The following KCTD16 variants were observed in gnomAD, a reference collection of about 807,000 sequenced individuals.
The protein encoded by KCTD16 is potassium channel tetramerization domain containing 16.
A neutral mutation model predicts 33.2 loss-of-function variants in KCTD16; 13 were observed. The ratio of observed to expected loss-of-function variants is 0.39; its 90% CI spans 0.25 to 0.62. The LOEUF (loss-of-function observed/expected upper bound fraction) is 0.62. Among genes scored for constraint, KCTD16 ranks in the 20% least tolerant of loss-of-function variants. The pLI is 0.50. For missense variants in KCTD16, 441 were observed against 525.1 expected (o/e 0.84, Z 1.57); for synonymous variants, 197 against 195.3 (o/e 1.01, Z -0.07).
At chr5:144,280,558 T>C (rs1209524258) in intron 3 of KCTD16, among the ~76,000 whole-genome samples, 3 of 152,236 alleles carry the variant, frequency 2.0e-5, no homozygotes, top group Admixed American at 2.0e-4. Context: ...CTCTTTCTTT[T>C]TCAGTCTGGC....
intron 3 of KCTD16, among the ~76,000 whole-genome samples, chr5:144,463,170 A>G (rs1010107616): frequency 1.3e-5 from 2 of 152,176 alleles, no homozygotes; most frequent in Admixed American, 6.5e-5. Context: ...TTATCAATCT[A>G]TGCAAATGAG....
intron 3 of KCTD16, among the ~76,000 whole-genome samples, chr5:144,384,476 C>G (rs1752281640): frequency 6.6e-6 from 1 of 152,114 alleles, no homozygotes; most frequent in Admixed American, 6.6e-5. Flanking sequence ...AAAATAAATA[C>G]ATTTTTTCTA....
chr5:144,441,822 C>T (rs1580968091), intron 3 of KCTD16, among the ~76,000 whole-genome samples: 5 of 130,396 alleles, frequency 3.8e-5, no homozygotes, highest in South Asian at 2.4e-4. Flanking sequence ...CCTTCCATTT[C>T]TATATAAATG....
In KCTD16 at chr5:144,478,556, C is replaced by T. The variant is rs1754641512; in HGVS notation, c.*4442C>T. 6.6e-6 allele frequency: 1 copy of T among 151,948 alleles called. No individual in the cohort carries two copies. The highest frequency in any genetic ancestry group is 2.4e-5 in the African/African-American group (1 of 41,392). The allele number at this position is 151,948 out of a possible 1,614,324, so 9.4% of individuals were successfully genotyped here. On this transcript the variant is annotated 3_prime_UTR_variant, in exon 4 of 4. Transcript: ENST00000512467. ...GTAGCACTTGTAAAAATGCAGATTC[C>T]TTCAACCTAACTTCAAAGAGTCTGA...
intron 3 of KCTD16, among the ~76,000 whole-genome samples, chr5:144,456,100 G>A (rs1754054947): frequency 6.6e-6 from 1 of 152,004 alleles, no homozygotes; most frequent in East Asian, 1.9e-4. Context: ...GATAGGAATG[G>A]GGTATGATTT....
intron 3 of KCTD16, among the ~76,000 whole-genome samples, chr5:144,467,912 A>G (rs2126998404): frequency 1.3e-5 from 2 of 152,156 alleles, no homozygotes; most frequent in South Asian, 4.1e-4. Context: ...GGCTAACTAC[A>G]CTTTTCCTTT....
At chr5:144,316,842 T>C (rs1751930569) in intron 3 of KCTD16, among the ~76,000 whole-genome samples, 1 of 147,628 alleles carries the variant, frequency 6.8e-6, no homozygotes, top group African/African-American at 2.5e-5. Flanking sequence ...TTTTTTTTTT[T>C]TTTTGATACG....
chr5:144,300,671 A>G (rs545505285), intron 3 of KCTD16, among the ~76,000 whole-genome samples: 1 of 152,370 alleles, frequency 6.6e-6, no homozygotes, highest in Admixed American at 6.5e-5. Flanking sequence ...GTGAAGACAT[A>G]ACACTCTATT....
intron 3 of KCTD16, among the ~76,000 whole-genome samples, chr5:144,254,936 T>A (rs558684860): frequency 1.5e-4 from 23 of 152,190 alleles, no homozygotes; most frequent in East Asian, 1.4e-3. Flanking sequence ...GCTATTTTTT[T>A]AAATTTTTGT....
intron 3 of KCTD16, among the ~76,000 whole-genome samples, chr5:144,298,715 C>T (rs1487271448): frequency 6.6e-6 from 1 of 152,020 alleles, no homozygotes; most frequent in African/African-American, 2.4e-5. Flanking sequence ...TCAAAAGTGA[C>T]ACAAGGTAAT....
chr5:144,243,842 C>T (rs1365211352), intron 3 of KCTD16, among the ~76,000 whole-genome samples: 3 of 152,102 alleles, frequency 2.0e-5, no homozygotes, highest in Admixed American at 6.6e-5. Flanking sequence ...CTCCTGGGTT[C>T]AAGTGATTCT....
chr5:144,229,052 G>A (rs1225629290), intron 3 of KCTD16, among the ~76,000 whole-genome samples: 1 of 152,126 alleles, frequency 6.6e-6, no homozygotes, highest in Non-Finnish European at 1.5e-5. Context: ...TGAAACAAAT[G>A]GCCATGAATG....
At position 144,446,336 on chromosome 5, in the gene KCTD16, G is replaced by A. The variant is rs575250651; in HGVS notation, c.833-27324G>A. On this transcript the variant is annotated intron_variant, in intron 3 of 3. Transcript: ENST00000512467. Reference sequence around the variant, plus strand: ...TTCCCTATTCAATAAATGGTGTTGGGAAAACTGGCTAGCTGTATGCAGAAA... The same window carrying A: ...TTCCCTATTCAATAAATGGTGTTGGAAAAACTGGCTAGCTGTATGCAGAAA... 3.2e-4 allele frequency among the ~76,000 whole-genome samples: 48 copies of A among 152,088 alleles called. 1 individual carries two copies. The highest frequency in any genetic ancestry group is 2.8e-3 in the Admixed American group (43 of 15,252).
chr5:144,343,452 A>G (rs1245991676), intron 3 of KCTD16, among the ~76,000 whole-genome samples: 1 of 151,960 alleles, frequency 6.6e-6, no homozygotes, highest in Non-Finnish European at 1.5e-5. Flanking sequence ...TCTTATGTCT[A>G]TTTGATTCTT....
At chr5:144,451,271 G>A (rs1483740806) in intron 3 of KCTD16, among the ~76,000 whole-genome samples, 2 of 152,160 alleles carry the variant, frequency 1.3e-5, no homozygotes, top group African/African-American at 4.8e-5. Context: ...TTTAAAAAGT[G>A]GAGTAGTCAA....
intron 3 of KCTD16, among the ~76,000 whole-genome samples, chr5:144,243,655 C>T (rs1010751476): frequency 3.9e-5 from 6 of 152,296 alleles, no homozygotes; most frequent in African/African-American, 9.6e-5. Context: ...CAGAAGACTA[C>T]GGTACTAGCT....
At chr5:144,395,931 T>C (rs4345344) in intron 3 of KCTD16, among the ~76,000 whole-genome samples, 104,071 of 152,150 alleles carry the variant, frequency 0.68, 36,143 homozygotes, top group South Asian at 0.82. Flanking sequence ...AGTAGTTTCA[T>C]TGGAACACAG....
chr5:144,387,028 T>G (rs1489175461), intron 3 of KCTD16, among the ~76,000 whole-genome samples: 1 of 152,058 alleles, frequency 6.6e-6, no homozygotes, highest in African/African-American at 2.4e-5. Context: ...GTGCAGTGGC[T>G]GGTTCATGGC....
intron 3 of KCTD16, among the ~76,000 whole-genome samples, chr5:144,416,261 T>C (rs193161795): frequency 1.3e-5 from 2 of 152,324 alleles, no homozygotes; most frequent in Admixed American, 1.3e-4. Context: ...ATTGAAATGT[T>C]TACAAGAGAA....
Sources: allele counts gnomAD v4.1 joint callset (sites outside exome capture counted in the v4.1 genomes callset), GRCh38; gene constraint gnomAD v4.1.1; transcripts MANE v1.5; gene names NCBI Gene and HGNC (gene_info 2026-07-23, HGNC 2026-07-21).